Variants in DMAP1 observed in about 807,000 individuals in gnomAD.
DMAP1 encodes DNA methyltransferase 1 associated protein 1, also known as DNA methyltransferase 1-associated protein 1.
DMAP1 carries 26 observed loss-of-function variants against 52.7 expected under a neutral mutation model. The observed-to-expected ratio is 0.49, with a 90% CI of 0.36 to 0.68. DMAP1 has a LOEUF of 0.68. Ranked by LOEUF, DMAP1 falls within the 30% of genes least tolerant of loss-of-function variation. DMAP1 has a pLI of 0.00. For synonymous variants in DMAP1, 231 were observed against 246.0 expected, an observed-to-expected ratio of 0.94 and a Z score of 0.57; for missense variants, 439 against 625.2, an observed-to-expected ratio of 0.70 and a Z score of 3.18.
In DMAP1 at chr1:44,213,887, A is replaced by G. The variant is rs756016420; in HGVS notation, c.105+29A>G. 7 of 1,546,574 alleles carry G rather than the reference A, an allele frequency of 4.5e-6. No individual in the cohort carries two copies. The highest frequency in any genetic ancestry group is 6.1e-6 in the Non-Finnish European group (7 of 1,141,398). On this transcript the variant is annotated intron_variant, in intron 1 of 9. Coordinates refer to ENST00000372289, the MANE Select transcript of DMAP1 (RefSeq NM_019100.5). This position sits in a 1 kb window ranked among gnomAD's most constrained non-coding sequence, Gnocchi z 4.5. ...GCAGGGGCACCTGAAAGCGTTGACT[A>G]GGGGAGGGTAGGGGAGTGAAGATGG...
rs1196360244 is a variant in DMAP1, at chr1:44,218,491, T to C, written c.552+22T>C. The C allele has an allele frequency of 6.2e-7, 1 of 1,612,452 alleles. No homozygotes were observed. Among genetic ancestry groups the C allele is most frequent in the Admixed American group, 1.7e-5 (1 of 60,004 alleles). Reference sequence around the variant, plus strand: ...CAAGGTGAGCCATTGTGTATTTGCATGGGTGCCCAGCTTCTGGGTCTAGCA... The same window carrying C: ...CAAGGTGAGCCATTGTGTATTTGCACGGGTGCCCAGCTTCTGGGTCTAGCA... On this transcript the variant is annotated intron_variant, in intron 4 of 9. Coordinates refer to ENST00000372289, the MANE Select transcript of DMAP1 (RefSeq NM_019100.5). This position sits in a 1 kb window ranked among gnomAD's most constrained non-coding sequence, Gnocchi z 5.6.
At position 44,220,576 on chromosome 1, in the gene DMAP1, G is replaced by A. The variant is rs139253681; in HGVS notation, c.1362G>A (p.Ser454=). 4.0e-5 allele frequency: 65 copies of A among 1,614,100 alleles called. No homozygotes were observed. Among genetic ancestry groups the A allele is most frequent in the Non-Finnish European group, 5.0e-5 (59 of 1,180,044 alleles). ...ATCCTCAGAGAAAGCGACGGGAGTC[G>A]GCCTCCAGCTCATCTTCCGTGAAGA... ...LTPNSRKRRE[S]ASSSSSVKKA... The change falls in exon 10 of 10, where the codon TCG becomes TCA. Residue 454 remains serine (S), a synonymous_variant. Transcript: ENST00000372289.
chr1:44,220,520 G>C, intron 9 of DMAP1, 39 bp from the exon 10 acceptor site: 1 of 1,614,158 alleles, frequency 6.2e-7, no homozygotes. Context: ...CTCAGGCCTT[G>C]GGGGGTCACT....
intron 9 of DMAP1, 95 bp downstream of exon 9, chr1:44,220,404 C>A: frequency 6.5e-7 from 1 of 1,531,362 alleles, no homozygotes; most frequent in South Asian, 1.3e-5. Flanking sequence ...GTGCCTGCAG[C>A]AGGAACGATC....
At position 44,218,173 on chromosome 1, in the gene DMAP1, C is replaced by A; in HGVS notation, c.394-138C>A. ...GGACCTCTAGTCAAGCAGACAAGTT[C>A]TTTCCTCACTCCATGCTGCAGGGGC... On this transcript the variant is annotated intron_variant, in intron 3 of 9. Transcript: ENST00000372289. The surrounding 1 kb of genome is among the most constrained non-coding windows in gnomAD (Gnocchi z 5.6). 1.7e-6 allele frequency: 2 copies of A among 1,167,292 alleles called. No individual in the cohort carries two copies. Among genetic ancestry groups the A allele is most frequent in the Non-Finnish European group, 2.6e-6 (2 of 777,824 alleles). The allele number at this position is 1,167,292 out of a possible 1,614,324, so 72.3% of individuals were successfully genotyped here.
In DMAP1 at chr1:44,218,921, T is replaced by C; in HGVS notation, c.721-135T>C. On this transcript the variant is annotated intron_variant, in intron 5 of 9. Transcript: ENST00000372289. The surrounding 1 kb of genome is among the most constrained non-coding windows in gnomAD (Gnocchi z 5.6). ...TTCTCATGGGCCATCCCCCCTGCTTTTCATAGCCCTTCACCTCCCTCATGA... is the reference window on the plus strand; with the variant it reads ...TTCTCATGGGCCATCCCCCCTGCTTCTCATAGCCCTTCACCTCCCTCATGA... 7.1e-7 allele frequency: 1 copy of C among 1,412,298 alleles called. No individual in the cohort carries two copies. The highest frequency in any genetic ancestry group is 9.7e-7 in the Non-Finnish European group (1 of 1,036,164). The allele number at this position is 1,412,298 out of a possible 1,614,324, so 87.5% of individuals were successfully genotyped here.
chr1:44,219,274 G>A, intron 6 of DMAP1, 33 bp downstream of exon 6: 1 of 1,601,254 alleles, frequency 6.2e-7, no homozygotes, highest in Non-Finnish European at 8.5e-7. Context: ...GCTCAGGGTG[G>A]AAGGGTCACC....
Position 44,218,567 on chromosome 1 carries a change from C to T in DMAP1, c.553-21C>T. 6.2e-7 allele frequency: 1 copy of T among 1,608,084 alleles called. No homozygotes were observed. Among genetic ancestry groups the T allele is most frequent in the Non-Finnish European group, 8.5e-7 (1 of 1,175,324 alleles). On this transcript the variant is annotated intron_variant, in intron 4 of 9. Coordinates refer to ENST00000372289, the MANE Select transcript of DMAP1 (RefSeq NM_019100.5). The surrounding 1 kb of genome is among the most constrained non-coding windows in gnomAD (Gnocchi z 5.6). ...CACATGCCCCTGAATGTTCATTCCT[C>T]TACCCTGTCTTGCTCCTCAGAAGCG...
Position 44,220,600 on chromosome 1 carries a change from G to T in DMAP1, c.1386G>T (p.Lys462Asn). The stretch of plus-strand genomic sequence containing the variant: ...CGGCCTCCAGCTCATCTTCCGTGAA[G>T]AAAGCCAAGAAGCCGTGAGAGGCCC... ...RESASSSSSV[K>N]KAKKP is the part of the protein sequence containing the mutation. The change falls in exon 10 of 10, where the codon AAG (lysine) becomes AAT (asparagine). Residue 462 changes from lysine (K) to asparagine (N), a missense_variant. Coordinates refer to ENST00000372289, the MANE Select transcript of DMAP1 (RefSeq NM_019100.5). 2 of 1,614,256 alleles carry T rather than the reference G, an allele frequency of 1.2e-6. No individual in the cohort carries two copies. The highest frequency in any genetic ancestry group is 1.1e-5 in the South Asian group (1 of 91,092).
rs35249619 is a variant in DMAP1, at chr1:44,218,701, C to T, written c.666C>T (p.His222=). ...AGATACCAGTATTTGATGCTGGGCACGAACGACGGCGGAAGGAACAGCTTG... is the reference window on the plus strand; with the variant it reads ...AGATACCAGTATTTGATGCTGGGCATGAACGACGGCGGAAGGAACAGCTTG... ...DLKIPVFDAG[H]ERRRKEQLER... is the part of the protein sequence containing the mutation. Residue 222 remains histidine, a synonymous_variant, in exon 5 of 10, where the codon CAC becomes CAT. Transcript: ENST00000372289. This position sits in a 1 kb window ranked among gnomAD's most constrained non-coding sequence, Gnocchi z 5.6. 4.2e-4 allele frequency: 676 copies of T among 1,613,726 alleles called. 2 individuals carry two copies. The African/African-American group carries it at 8.0e-3, about 19-fold the overall frequency.
At chr1:44,214,170 G>A (rs1468050999) in intron 1 of DMAP1, among the ~76,000 whole-genome samples, 180 bp from the exon 2 acceptor site, 1 of 152,170 alleles carries the variant, frequency 6.6e-6, no homozygotes, top group African/African-American at 2.4e-5. Flanking sequence ...ATGGGGAGGG[G>A]ACTGCTCTGA....
In DMAP1 at chr1:44,218,060, G is replaced by A; in HGVS notation, c.394-251G>A. 1.7e-6 allele frequency: 1 copy of A among 588,542 alleles called. No individual in the cohort carries two copies. The highest frequency in any genetic ancestry group is 3.1e-6 in the Non-Finnish European group (1 of 324,004). The allele number at this position is 588,542 out of a possible 1,614,324, so 36.5% of individuals were successfully genotyped here. On this transcript the variant is annotated intron_variant, in intron 3 of 9. Coordinates refer to ENST00000372289, the MANE Select transcript of DMAP1 (RefSeq NM_019100.5). The surrounding 1 kb of genome is among the most constrained non-coding windows in gnomAD (Gnocchi z 5.6). Reference sequence around the variant, plus strand: ...ACCTTAACTATGGGGGCAGGAGTGTGTGTCCCATGACTGAGGCTCTGGAGC... The same window carrying A: ...ACCTTAACTATGGGGGCAGGAGTGTATGTCCCATGACTGAGGCTCTGGAGC...
rs768401219 is a variant in DMAP1 at position 44,218,196 on chromosome 1, G to A, written c.394-115G>A. On this transcript the variant is annotated intron_variant, in intron 3 of 9. Coordinates refer to ENST00000372289, the MANE Select transcript of DMAP1 (RefSeq NM_019100.5). This position sits in a 1 kb window ranked among gnomAD's most constrained non-coding sequence, Gnocchi z 5.6. ...TTCTTTCCTCACTCCATGCTGCAGG[G>A]GCACAGGCCCAGGGTCTGGCAACAA... The A allele has an allele frequency of 1.1e-5, 16 of 1,407,840 alleles. No individual in the cohort carries two copies. The highest frequency in any genetic ancestry group is 1.8e-4 in the Middle Eastern group (1 of 5,696). 87.2% of individuals were successfully genotyped at this position (1,407,840 alleles called of 1,614,324 possible).
chr1:44,219,356 T>A (rs1283190637), intron 6 of DMAP1, 50 bp from the exon 7 acceptor site: 1 of 1,548,576 alleles, frequency 6.5e-7, no homozygotes, highest in Non-Finnish European at 8.7e-7. Flanking sequence ...GGACTAACCC[T>A]GGGCCCTCTC....
chr1:44,220,376 G>A, intron 9 of DMAP1, 67 bp downstream of exon 9: 1 of 1,522,650 alleles, frequency 6.6e-7, no homozygotes, highest in South Asian at 1.3e-5. Flanking sequence ...CATGGGTGTA[G>A]GGGCTCCTCT....
chr1:44,215,019 C>A, intron 3 of DMAP1, 121 bp downstream of exon 3: 1 of 1,148,350 alleles, frequency 8.7e-7, no homozygotes, highest in Non-Finnish European at 1.3e-6. Context: ...TGTGATTACC[C>A]ACTCAATCCT....
rs1250310895 is a variant in DMAP1, at chr1:44,218,863, A to G, written c.720+108A>G. 4.1e-6 allele frequency: 6 copies of G among 1,474,338 alleles called. No individual in the cohort carries two copies. The East Asian group carries it at 1.4e-4, about 34-fold the overall frequency. The allele number at this position is 1,474,338 out of a possible 1,614,324, so 91.3% of individuals were successfully genotyped here. ...TCCCAGGTCCCCCTGCCTCCCACTG[A>G]TACCTTATTAACTGCCCCAAGCCCA... On this transcript the variant is annotated intron_variant, in intron 5 of 9. Coordinates refer to ENST00000372289, the MANE Select transcript of DMAP1 (RefSeq NM_019100.5). The surrounding 1 kb of genome is among the most constrained non-coding windows in gnomAD (Gnocchi z 5.6).
intron 3 of DMAP1, chr1:44,215,498 G>A (rs1289431286): frequency 2.1e-5 from 7 of 333,258 alleles, no homozygotes; most frequent in Admixed American, 4.0e-5. Flanking sequence ...GAACAAAGAA[G>A]GTAGGGGAAA....
chr1:44,220,209 G>A lies in DMAP1; in HGVS notation c.1244G>A (p.Gly415Asp). ...CCTGCCACACCAGCATCAGGCCCAGGCCCGGCCTCTGCTGAGCCGGCAGTG... is the reference window on the plus strand; with the variant it reads ...CCTGCCACACCAGCATCAGGCCCAGACCCGGCCTCTGCTGAGCCGGCAGTG... The part of the protein sequence containing the change: ...GGPATPASGP[G>D]PASAEPAVTE... Residue 415 changes from glycine (G) to aspartate (D), a missense_variant, in exon 9 of 10, where the codon GGC (glycine) becomes GAC (aspartate). Around this residue, in one of 3 missense-constraint regions of DMAP1, gnomAD observed 179 missense variants for 285.9 expected, o/e 0.63. Transcript: ENST00000372289. 6.3e-7 allele frequency: 1 copy of A among 1,596,420 alleles called. No individual in the cohort carries two copies. Among genetic ancestry groups the A allele is most frequent in the Non-Finnish European group, 8.6e-7 (1 of 1,166,738 alleles).
Sources: allele counts gnomAD v4.1 joint callset (sites outside exome capture counted in the v4.1 genomes callset), GRCh38; gene constraint gnomAD v4.1.1; regional missense constraint gnomAD v4.1.1; non-coding constraint Gnocchi (gnomAD v3.1); transcripts MANE v1.5; gene names NCBI Gene and HGNC (gene_info 2026-07-23, HGNC 2026-07-21).